Variants in SFMBT2 observed in about 807,000 individuals in gnomAD.
SFMBT2 encodes scm-like with four MBT domains protein 2.
In SFMBT2, 38 loss-of-function variants were observed where a neutral mutation model predicts 110.1. The ratio of observed to expected loss-of-function variants is 0.35; its 90% CI spans 0.27 to 0.45. The LOEUF is 0.45. Ranked by LOEUF, SFMBT2 falls within the 20% of genes least tolerant of loss-of-function variation. The pLI, the probability that SFMBT2 is intolerant of heterozygous loss-of-function variation, is 1.00. For missense variants in SFMBT2, 1,011 were observed against 1,094.9 expected, an observed-to-expected ratio of 0.92 and a Z score of 1.08; for synonymous variants, 425 against 425.4, an observed-to-expected ratio of 1.00 and a Z score of 0.01.
intron 4 of SFMBT2, among the ~76,000 whole-genome samples, chr10:7,290,766 G>A (rs1349654992): frequency 6.6e-6 from 1 of 152,084 alleles, no homozygotes; most frequent in Non-Finnish European, 1.5e-5. Context: ...GAGCCCAGGA[G>A]TTCGAAGCTG....
At chr10:7,284,369 A>C in intron 5 of SFMBT2, 1 of 1,298,006 alleles carries the variant, frequency 7.7e-7, no homozygotes, top group Non-Finnish European at 9.8e-7. Flanking sequence ...CCAACAACAA[A>C]AAAATCACAA....
intron 1 of SFMBT2, among the ~76,000 whole-genome samples, chr10:7,407,405 T>C (rs1846249439): frequency 6.6e-6 from 1 of 150,416 alleles, no homozygotes. Flanking sequence ...GGATGGAGAG[T>C]GGTGGGCAGC....
chr10:7,175,338 G>A (rs1278829173), intron 17 of SFMBT2, among the ~76,000 whole-genome samples: 10 of 152,186 alleles, frequency 6.6e-5, no homozygotes, highest in East Asian at 1.9e-4. Context: ...CAGGGGAAGC[G>A]GTTGCCCAAG....
chr10:7,328,965 C>A (rs1379477623), intron 4 of SFMBT2, among the ~76,000 whole-genome samples: 1 of 152,214 alleles, frequency 6.6e-6, no homozygotes, highest in Non-Finnish European at 1.5e-5. Flanking sequence ...GCCCATGCGG[C>A]TTGGAAAACT....
At position 7,163,658 on chromosome 10, in the gene SFMBT2, G is replaced by T; in HGVS notation, c.*112C>A. On this transcript the variant is annotated 3_prime_UTR_variant, in exon 21 of 21. Coordinates refer to ENST00000397167, the MANE Select transcript of SFMBT2 (RefSeq NM_001387889.1). This position sits in a 1 kb window ranked among gnomAD's most constrained non-coding sequence, Gnocchi z 4.8. ...GATCCTGGGCTTCTGGTTTTCTGGT[G>T]ATACTTAGTGGCTGTACCATTTAAC... The T allele has an allele frequency of 1.1e-6, 1 of 940,828 alleles. No individual in the cohort carries two copies. 58.3% of individuals were successfully genotyped at this position (940,828 alleles called of 1,614,324 possible). A position where few individuals can be genotyped will look rare whatever the true frequency, so the allele number is the denominator to read the frequency against.
intron 1 of SFMBT2, among the ~76,000 whole-genome samples, chr10:7,394,233 C>T (rs1013535272): frequency 1.3e-5 from 2 of 152,124 alleles, no homozygotes; most frequent in South Asian, 4.1e-4. Flanking sequence ...CCCACCAGCA[C>T]GCCCAGTGAG....
At chr10:7,300,516 G>A (rs1278911952) in intron 4 of SFMBT2, among the ~76,000 whole-genome samples, 1 of 152,074 alleles carries the variant, frequency 6.6e-6, no homozygotes, top group African/African-American at 2.4e-5. Context: ...AGTTCACACT[G>A]CCCCCTTCAC....
In SFMBT2 at chr10:7,348,383, TAATCC is replaced by T. The variant is rs980779124; in HGVS notation, c.436+19261_436+19265del. On this transcript the variant is annotated intron_variant, in intron 4 of 20. Transcript: ENST00000397167. ...TTTTAATGGCTATAACTTGCTCCTA[TAATCC>T]ATGATGGGCTTTGGGGGGCTCTTCA... is the stretch of plus-strand genomic sequence containing the variant. The T allele has an allele frequency of 4.2e-6, 6 of 1,432,724 alleles. No homozygotes were observed. The African/African-American group carries it at 8.7e-5, about 21-fold the overall frequency. 88.8% of individuals were successfully genotyped at this position (1,432,724 alleles called of 1,614,324 possible).
At chr10:7,343,387 T>C (rs773084996) in intron 4 of SFMBT2, among the ~76,000 whole-genome samples, 4 of 152,204 alleles carry the variant, frequency 2.6e-5, no homozygotes, top group Non-Finnish European at 4.4e-5. Context: ...GAATGATTTC[T>C]ATTCCTTTGG....
At chr10:7,348,159 T>C in intron 4 of SFMBT2, 1 of 605,140 alleles carries the variant, frequency 1.7e-6, no homozygotes, top group Non-Finnish European at 2.6e-6. Context: ...AAAAACATTT[T>C]ATTTTCTTTG....
intron 2 of SFMBT2, among the ~76,000 whole-genome samples, chr10:7,375,714 C>T (rs906740619): frequency 1.3e-5 from 2 of 150,966 alleles, no homozygotes; most frequent in Non-Finnish European, 2.9e-5. Context: ...CATCCAACTA[C>T]CCGATGGCCA....
intron 9 of SFMBT2, chr10:7,241,103 A>G (rs1047065123): frequency 6.6e-6 from 1 of 152,636 alleles, no homozygotes; most frequent in Non-Finnish European, 1.5e-5. Context: ...TTTTAAAAAC[A>G]GGAGTTTCCC....
At chr10:7,205,773 T>A in intron 12 of SFMBT2, 42 bp downstream of exon 12, 1 of 1,598,158 alleles carries the variant, frequency 6.3e-7, no homozygotes, top group Non-Finnish European at 8.6e-7. Flanking sequence ...TTCACAAAGA[T>A]CACTGGTGTC....
chr10:7,284,252 A>C, intron 5 of SFMBT2, 102 bp from the exon 6 acceptor site: 5 of 1,527,540 alleles, frequency 3.3e-6, no homozygotes, highest in Non-Finnish European at 4.4e-6. Context: ...CCATCATCCA[A>C]GGTACTGGCG....
At chr10:7,265,792 C>T (rs184632081) in intron 7 of SFMBT2, among the ~76,000 whole-genome samples, 33 of 152,216 alleles carry the variant, frequency 2.2e-4, no homozygotes, top group Admixed American at 7.2e-4. Flanking sequence ...AATTTTTGGA[C>T]TTATATCCCC....
At chr10:7,356,865 T>C (rs990686781) in intron 4 of SFMBT2, among the ~76,000 whole-genome samples, 2 of 152,176 alleles carry the variant, frequency 1.3e-5, no homozygotes, top group African/African-American at 4.8e-5. Flanking sequence ...TAAATCATGG[T>C]GGCCCTGCTG....
intron 6 of SFMBT2, among the ~76,000 whole-genome samples, chr10:7,280,334 A>C (rs889965554): frequency 6.6e-6 from 1 of 152,200 alleles, no homozygotes; most frequent in Non-Finnish European, 1.5e-5. Flanking sequence ...GAAAGTATTT[A>C]AGTTGGATTC....
In SFMBT2 at chr10:7,172,312, A is replaced by G. The variant is rs577286947; in HGVS notation, c.2152-154T>C. 2.0e-6 allele frequency: 2 copies of G among 985,232 alleles called. No individual in the cohort carries two copies. Among genetic ancestry groups the G allele is most frequent in the East Asian group, 2.3e-4 (2 of 8,804 alleles). 61.0% of individuals were successfully genotyped at this position (985,232 alleles called of 1,614,324 possible). A position where few individuals can be genotyped will look rare whatever the true frequency, so the allele number is the denominator to read the frequency against. On this transcript the variant is annotated intron_variant, in intron 18 of 20. Coordinates refer to ENST00000397167, the MANE Select transcript of SFMBT2 (RefSeq NM_001387889.1). This position sits in a 1 kb window ranked among gnomAD's most constrained non-coding sequence, Gnocchi z 4.6. Reference sequence around the variant, plus strand: ...CCGTGGGCCCTACGAGGCCCTTCCCAGCCAAAGCAGCTGGACACACTACAT... The same window carrying G: ...CCGTGGGCCCTACGAGGCCCTTCCCGGCCAAAGCAGCTGGACACACTACAT...
intron 1 of SFMBT2, among the ~76,000 whole-genome samples, chr10:7,399,392 C>T (rs969656052): frequency 3.3e-5 from 5 of 152,138 alleles, no homozygotes; most frequent in African/African-American, 1.2e-4. Flanking sequence ...ACCACTATGC[C>T]CAGCTAATTT....
Sources: allele counts gnomAD v4.1 joint callset (sites outside exome capture counted in the v4.1 genomes callset), GRCh38; gene constraint gnomAD v4.1.1; non-coding constraint Gnocchi (gnomAD v3.1); transcripts MANE v1.5; gene names NCBI Gene and HGNC (gene_info 2026-07-23, HGNC 2026-07-21).